SOBP: variants seen among roughly 807,000 people sequenced by gnomAD.
The protein encoded by SOBP is sine oculis-binding protein homolog.
In SOBP, 4 loss-of-function variants were observed where a neutral mutation model predicts 53.6. The ratio of observed to expected loss-of-function variants is 0.07; its 90% CI spans 0.04 to 0.17. SOBP has a LOEUF of 0.17. Ranked by LOEUF, SOBP falls within the 10% of genes least tolerant of loss-of-function variation. The pLI is 1.00. For synonymous variants in SOBP, 584 were observed against 522.6 expected, an observed-to-expected ratio of 1.12 and a Z score of -1.60; for missense variants, 1,088 against 1,204.7, an observed-to-expected ratio of 0.90 and a Z score of 1.43.
At chr6:107,551,773 C>T (rs1049408739) in intron 4 of SOBP, among the ~76,000 whole-genome samples, 1 of 152,104 alleles carries the variant, frequency 6.6e-6, no homozygotes, top group African/African-American at 2.4e-5. Flanking sequence ...GTAATCCCAG[C>T]ACTTTGGGAG....
chr6:107,602,578 A>AAAAAAAAAT (rs1786222295), intron 5 of SOBP, among the ~76,000 whole-genome samples: 2 of 151,706 alleles, frequency 1.3e-5, no homozygotes, highest in African/African-American at 4.8e-5. Context: ...TAAAAAAAAA[A>AAAAAAAAAT]AAAAAAAAAG....
At chr6:107,596,061 C>T (rs1314349232) in intron 5 of SOBP, among the ~76,000 whole-genome samples, 1 of 152,190 alleles carries the variant, frequency 6.6e-6, no homozygotes, top group Non-Finnish European at 1.5e-5. Flanking sequence ...TACTCATTCT[C>T]TTTTAATTCC....
intron 5 of SOBP, among the ~76,000 whole-genome samples, chr6:107,590,511 G>A (rs1404782378): frequency 1.3e-5 from 2 of 152,186 alleles, no homozygotes; most frequent in Non-Finnish European, 2.9e-5. Flanking sequence ...GGCAAAATCA[G>A]CCTGTCTCCC....
intron 3 of SOBP, among the ~76,000 whole-genome samples, chr6:107,527,576 G>T (rs925746764): frequency 2.6e-5 from 4 of 152,154 alleles, no homozygotes; most frequent in Admixed American, 1.3e-4. Flanking sequence ...TTTACATATA[G>T]AATGTGCATA....
At chr6:107,604,384 C>G (rs1307385253) in intron 5 of SOBP, among the ~76,000 whole-genome samples, 2 of 152,168 alleles carry the variant, frequency 1.3e-5, no homozygotes, top group Non-Finnish European at 2.9e-5. Context: ...AAATCCTTGC[C>G]TAGTGAATTT....
At chr6:107,657,768 G>A (rs1772127641) in intron 6 of SOBP, among the ~76,000 whole-genome samples, 1 of 151,828 alleles carries the variant, frequency 6.6e-6, no homozygotes, top group Admixed American at 6.6e-5. Context: ...ACTTGAAACT[G>A]GGAGGCAGAG....
At chr6:107,655,548 C>T (rs1048348077) in intron 6 of SOBP, among the ~76,000 whole-genome samples, 5 of 152,132 alleles carry the variant, frequency 3.3e-5, no homozygotes, top group Admixed American at 2.6e-4. Flanking sequence ...AAATAAGCTT[C>T]GTGTGAGCAA....
At chr6:107,491,182 A>G (rs970776683) in intron 1 of SOBP, among the ~76,000 whole-genome samples, 3 of 151,556 alleles carry the variant, frequency 2.0e-5, no homozygotes, top group Non-Finnish European at 2.9e-5. Context: ...CTTCCCCCCA[A>G]CCAACCAGCT....
In SOBP at chr6:107,659,775, A is replaced by G. The variant is rs899159815; in HGVS notation, c.*1572A>G. The G allele has an allele frequency of 6.6e-6, 1 of 152,564 alleles. No homozygotes were observed. The highest frequency in any genetic ancestry group is 1.5e-5 in the Non-Finnish European group (1 of 68,042). 9.5% of individuals were successfully genotyped at this position (152,564 alleles called of 1,614,324 possible). ...TCTAGATTCTCCTTTGTACAGAGTC[A>G]CTTCACAAGTCAAGCTACTGTTTTA... On this transcript the variant is annotated 3_prime_UTR_variant, in exon 7 of 7. Transcript: ENST00000317357.
At chr6:107,641,685 G>A (rs1272319940) in intron 6 of SOBP, among the ~76,000 whole-genome samples, 1 of 152,196 alleles carries the variant, frequency 6.6e-6, no homozygotes, top group African/African-American at 2.4e-5. Flanking sequence ...TTCCCTGACT[G>A]GTTTCCAATG....
chr6:107,568,859 C>T lies in SOBP; in HGVS notation c.574-18221C>T, dbSNP rs561836076. Among the ~76,000 whole-genome samples the T allele has an allele frequency of 2.6e-5, 4 of 152,140 alleles. No homozygotes were observed. In the East Asian group the frequency reaches 7.7e-4, roughly 29 times the overall value. On this transcript the variant is annotated intron_variant, in intron 4 of 6. Transcript: ENST00000317357. ...CAGGCTGAAACAGACTGAGAGAAACCTTCATGCATTGACCCTGATAAAACC... is the reference window on the plus strand; with the variant it reads ...CAGGCTGAAACAGACTGAGAGAAACTTTCATGCATTGACCCTGATAAAACC...
At chr6:107,504,059 C>T (rs369957066) in intron 2 of SOBP, among the ~76,000 whole-genome samples, 1 of 152,216 alleles carries the variant, frequency 6.6e-6, no homozygotes. Flanking sequence ...GTGCCATGGT[C>T]CTGCATACAG....
chr6:107,645,998 T>G (rs562021267), intron 6 of SOBP, among the ~76,000 whole-genome samples: 1 of 152,300 alleles, frequency 6.6e-6, no homozygotes, highest in East Asian at 1.9e-4. Context: ...TTGGGGAATT[T>G]GTACTCAATA....
intron 3 of SOBP, among the ~76,000 whole-genome samples, chr6:107,517,364 C>T (rs1379953646): frequency 6.6e-6 from 1 of 152,178 alleles, no homozygotes; most frequent in Non-Finnish European, 1.5e-5. Flanking sequence ...TGAAGTCTCT[C>T]TCCTTGGAGT....
Position 107,494,768 on chromosome 6 carries a change from G to T in SOBP, c.96+4056G>T, listed in dbSNP as rs545840564. Among the ~76,000 whole-genome samples, 3 of 152,256 alleles carry T rather than the reference G, an allele frequency of 2.0e-5. No homozygotes were observed. The East Asian group carries it at 5.8e-4, about 29-fold the overall frequency. ...GTAAGTAATTTGTACCTAAAATTAC[G>T]CTTCAGTCCTGATGCCTACAATTTG... On this transcript the variant is annotated intron_variant, in intron 1 of 6. Coordinates refer to ENST00000317357, the MANE Select transcript of SOBP (RefSeq NM_018013.4).
At chr6:107,614,858 CCTT>C (rs1199783923) in intron 5 of SOBP, among the ~76,000 whole-genome samples, 1 of 152,164 alleles carries the variant, frequency 6.6e-6, no homozygotes, top group Non-Finnish European at 1.5e-5. Flanking sequence ...ATATGCCCCT[CCTT>C]GTAAAAAAAT....
At chr6:107,560,925 T>A (rs1488721083) in intron 4 of SOBP, among the ~76,000 whole-genome samples, 2 of 152,196 alleles carry the variant, frequency 1.3e-5, no homozygotes, top group Admixed American at 1.3e-4. Flanking sequence ...CAGAAATGTG[T>A]GCTTCCAGCT....
chr6:107,602,634 A>C lies in SOBP; in HGVS notation c.669+15459A>C, dbSNP rs915587259. Among the ~76,000 whole-genome samples the C allele has an allele frequency of 2.8e-4, 42 of 151,856 alleles. 1 individual carries two copies. The highest frequency in any genetic ancestry group is 1.5e-4 in the Non-Finnish European group (10 of 67,982). On this transcript the variant is annotated intron_variant, in intron 5 of 6. Transcript: ENST00000317357. The stretch of plus-strand genomic sequence containing the variant: ...AAGGAGGAGAATCCACTAAAAAGGC[A>C]ACACAAAGAGCAAATTTTACTTCAT...
chr6:107,584,162 C>T (rs975778062), intron 4 of SOBP, among the ~76,000 whole-genome samples: 7 of 150,736 alleles, frequency 4.6e-5, no homozygotes, highest in African/African-American at 1.5e-4. Flanking sequence ...TGGTACATTA[C>T]AATCACCTGA....
Sources: gnomAD v4.1 joint callset for allele counts (sites outside exome capture counted in the v4.1 genomes callset) on GRCh38, gnomAD v4.1.1 for gene constraint, MANE v1.5 for transcripts, NCBI Gene and HGNC (gene_info 2026-07-23, HGNC 2026-07-21) for gene names.